The following TMEM217 variants were observed in gnomAD, a reference collection of about 807,000 sequenced individuals.
TMEM217 encodes the protein chromosome 6 open reading frame 128.
For missense variants in TMEM217, 204 were observed against 248.8 expected (o/e 0.82, Z 1.21); for synonymous variants, 76 against 88.3 (o/e 0.86, Z 0.78).
chr6:37,235,998 T>C (rs2113871088), intron 1 of TMEM217, among the ~76,000 whole-genome samples: 1 of 152,270 alleles, frequency 6.6e-6, no homozygotes, highest in Non-Finnish European at 1.5e-5. Flanking sequence ...GAGTTTAAAA[T>C]ATTCATACTA....
At chr6:37,224,977 G>C (rs1028981320) in intron 1 of TMEM217, among the ~76,000 whole-genome samples, 33 of 149,818 alleles carry the variant, frequency 2.2e-4, no homozygotes, top group Non-Finnish European at 4.6e-4. Flanking sequence ...ACAGGAGTTC[G>C]AAACCAACCT....
intron 1 of TMEM217, among the ~76,000 whole-genome samples, chr6:37,237,033 C>G (rs1764542979): frequency 6.6e-6 from 1 of 152,138 alleles, no homozygotes; most frequent in African/African-American, 2.4e-5. Flanking sequence ...AAAGAGCAAG[C>G]CAGATGGAAG....
chr6:37,255,414 G>T (rs1765661979), intron 1 of TMEM217, among the ~76,000 whole-genome samples: 1 of 152,102 alleles, frequency 6.6e-6, no homozygotes, highest in South Asian at 2.1e-4. Flanking sequence ...GGGTGCGATG[G>T]CTCCCACCTG....
At chr6:37,241,408 G>C (rs779801230) in intron 1 of TMEM217, among the ~76,000 whole-genome samples, 1 of 152,196 alleles carries the variant, frequency 6.6e-6, no homozygotes, top group East Asian at 1.9e-4. Context: ...CCTCAAAAGC[G>C]ACATCTCAGC....
chr6:37,253,278 CT>C (rs1765549293), intron 1 of TMEM217, among the ~76,000 whole-genome samples: 1 of 152,146 alleles, frequency 6.6e-6, no homozygotes, highest in South Asian at 2.1e-4. Flanking sequence ...TCATTTTCCC[CT>C]GTTTATTATT....
chr6:37,252,105 C>A (rs1254215709), intron 1 of TMEM217, among the ~76,000 whole-genome samples: 1 of 152,184 alleles, frequency 6.6e-6, no homozygotes, highest in East Asian at 1.9e-4. Flanking sequence ...GTTGGTCAGG[C>A]CGGTCTCGAA....
chr6:37,218,648 C>T (rs757663026), exon 2 of TMEM217: 3 of 1,614,106 alleles, frequency 1.9e-6, no homozygotes, highest in East Asian at 4.5e-5. Flanking sequence ...GCCAAACCAG[C>T]GCATGATTCT....
In TMEM217 at chr6:37,235,760, C is replaced by T. The variant is rs535143592; in HGVS notation, c.-11-16719G>A. ...GGACTGCTCTCTGCTTCCAAGATGA[C>T]GCCTTGTTGCTGTGTCCTCACAGGG... On this transcript the variant is annotated intron_variant, in intron 1 of 1. Transcript: ENST00000357219. Among the ~76,000 whole-genome samples, 26 of 152,306 alleles carry T rather than the reference C, an allele frequency of 1.7e-4. No homozygotes were observed. In the South Asian group the frequency reaches 2.1e-3, roughly 12 times the overall value.
At chr6:37,222,020 G>A (rs1763550580) in intron 1 of TMEM217, among the ~76,000 whole-genome samples, 1 of 152,156 alleles carries the variant, frequency 6.6e-6, no homozygotes, top group Admixed American at 6.5e-5. Flanking sequence ...GCTATCAGCA[G>A]AGAGGATAGC....
At chr6:37,250,765 A>G (rs1421534346) in intron 1 of TMEM217, among the ~76,000 whole-genome samples, 2 of 152,258 alleles carry the variant, frequency 1.3e-5, no homozygotes, top group Non-Finnish European at 2.9e-5. Flanking sequence ...TTGCTAAACA[A>G]TGCCCATATT....
At chr6:37,246,490 A>G (rs1407383311) in intron 1 of TMEM217, among the ~76,000 whole-genome samples, 1 of 151,820 alleles carries the variant, frequency 6.6e-6, no homozygotes, top group Non-Finnish European at 1.5e-5. Flanking sequence ...TACTCCATCT[A>G]CTCTCATGCA....
exon 2 of TMEM217, chr6:37,218,349 T>A (rs1478902648): frequency 3.9e-6 from 5 of 1,278,024 alleles, no homozygotes; most frequent in Non-Finnish European, 4.3e-6. Context: ...TCTATTTTTT[T>A]TAGTAGAGAC....
chr6:37,230,879 A>G (rs1316129082), intron 1 of TMEM217, among the ~76,000 whole-genome samples: 13 of 152,070 alleles, frequency 8.5e-5, no homozygotes, highest in Admixed American at 8.5e-4. Context: ...AATTTTTTTG[A>G]GAAGGGTTTT....
At chr6:37,224,933 C>A (rs1442371511) in intron 1 of TMEM217, among the ~76,000 whole-genome samples, 1 of 151,636 alleles carries the variant, frequency 6.6e-6, no homozygotes, top group African/African-American at 2.4e-5. Context: ...AATCCCAGCA[C>A]TTTGGGAAGC....
At chr6:37,226,260 A>T (rs1232786) in intron 1 of TMEM217, among the ~76,000 whole-genome samples, 33,861 of 143,248 alleles carry the variant, frequency 0.24, 4,498 homozygotes, top group African/African-American at 0.34. Flanking sequence ...GTTTTGTTTT[A>T]TTTTGTTTTT....
At chr6:37,243,507 A>G (rs2113896140) in intron 1 of TMEM217, among the ~76,000 whole-genome samples, 1 of 152,378 alleles carries the variant, frequency 6.6e-6, no homozygotes, top group East Asian at 1.9e-4. Context: ...CAGTAAAGAA[A>G]GAGTTTAATT....
downstream of TMEM217, chr6:37,215,368 A>G: frequency 6.8e-7 from 1 of 1,466,458 alleles, no homozygotes; most frequent in Non-Finnish European, 9.1e-7. Context: ...CGAGGTCAGG[A>G]GTTCAAGACC....
intron 1 of TMEM217, among the ~76,000 whole-genome samples, chr6:37,243,093 G>C (rs1208533179): frequency 6.6e-6 from 1 of 152,032 alleles, no homozygotes; most frequent in East Asian, 1.9e-4. Flanking sequence ...GAACACAGTT[G>C]CCCTGCCCCT....
chr6:37,246,406 A>G (rs1765084336), intron 1 of TMEM217, among the ~76,000 whole-genome samples: 1 of 152,162 alleles, frequency 6.6e-6, no homozygotes, highest in Non-Finnish European at 1.5e-5. Context: ...TGGGAGTGGA[A>G]ACATATGATA....
Sources: gnomAD v4.1 joint callset for allele counts (sites outside exome capture counted in the v4.1 genomes callset) on GRCh38, gnomAD v4.1.1 for gene constraint, MANE v1.5 for transcripts, NCBI Gene and HGNC (gene_info 2026-07-23, HGNC 2026-07-21) for gene names.